SULF1: variants seen among roughly 807,000 people sequenced by gnomAD.
The protein encoded by SULF1 is extracellular sulfatase Sulf-1.
SULF1 carries 46 observed loss-of-function variants against 110.5 expected under a neutral mutation model. The ratio of observed to expected loss-of-function variants is 0.42; its 90% CI spans 0.33 to 0.53. SULF1 has a LOEUF of 0.53. Among genes scored for constraint, SULF1 ranks in the 20% least tolerant of loss-of-function variants. The probability of loss-of-function intolerance (pLI) is 0.12; values close to 1 mark genes in which losing one functional copy is unlikely to be tolerated. For synonymous variants in SULF1, 371 were observed against 387.1 expected (o/e 0.96, Z 0.49); for missense variants, 941 against 1,094.2 (o/e 0.86, Z 1.98).
chr8:69,494,269 A>G (rs927646358), intron 1 of SULF1, among the ~76,000 whole-genome samples: 2 of 152,314 alleles, frequency 1.3e-5, no homozygotes, highest in Admixed American at 6.5e-5. Context: ...GTTAGTGTGT[A>G]TATGTGTCTT....
At chr8:69,480,099 G>T (rs1202975128) in intron 1 of SULF1, among the ~76,000 whole-genome samples, 2 of 152,022 alleles carry the variant, frequency 1.3e-5, no homozygotes, top group Admixed American at 1.3e-4. Context: ...GTGCAAACAT[G>T]CAGCTTTATC....
At chr8:69,543,040 A>T (rs956769390) in intron 3 of SULF1, among the ~76,000 whole-genome samples, 1 of 152,158 alleles carries the variant, frequency 6.6e-6, no homozygotes, top group Non-Finnish European at 1.5e-5. Context: ...ACGCATGACA[A>T]ACTTCTATGA....
chr8:69,656,547 C>T (rs914556104), intron 22 of SULF1, among the ~76,000 whole-genome samples: 2 of 152,162 alleles, frequency 1.3e-5, no homozygotes, highest in African/African-American at 2.4e-5. Flanking sequence ...TGTTCGGCTC[C>T]CACTTGTAAG....
At chr8:69,475,380 T>C (rs569511143) in intron 1 of SULF1, among the ~76,000 whole-genome samples, 1 of 150,904 alleles carries the variant, frequency 6.6e-6, no homozygotes, top group Admixed American at 6.6e-5. Flanking sequence ...GAGAGGGGGA[T>C]AACAAGACAA....
intron 5 of SULF1, among the ~76,000 whole-genome samples, chr8:69,568,481 T>C (rs1239145932): frequency 5.9e-5 from 9 of 152,204 alleles, no homozygotes; most frequent in African/African-American, 1.9e-4. Flanking sequence ...ACTAGAACCT[T>C]GCATATGGAT....
chr8:69,467,341 T>C (rs1808898738), intron 1 of SULF1, among the ~76,000 whole-genome samples: 1 of 152,240 alleles, frequency 6.6e-6, no homozygotes. Flanking sequence ...ATAAAGATTC[T>C]TTGAAGGGTC....
At chr8:69,578,646 T>C (rs1430208575) in intron 6 of SULF1, among the ~76,000 whole-genome samples, 1 of 151,802 alleles carries the variant, frequency 6.6e-6, no homozygotes, top group Non-Finnish European at 1.5e-5. Flanking sequence ...AAGGCTTCCC[T>C]GTTACCTCAA....
intron 1 of SULF1, among the ~76,000 whole-genome samples, chr8:69,475,276 C>A (rs546240911): frequency 6.6e-6 from 1 of 151,768 alleles, no homozygotes; most frequent in East Asian, 1.9e-4. Flanking sequence ...TAAACAGATG[C>A]CTTAGGAAGT....
intron 22 of SULF1, among the ~76,000 whole-genome samples, chr8:69,643,902 T>C (rs982241354): frequency 1.1e-4 from 16 of 152,216 alleles, no homozygotes; most frequent in African/African-American, 3.9e-4. Flanking sequence ...AACAGGTTGT[T>C]GGGGTGTTTA....
chr8:69,629,196 G>A (rs1191729899), intron 18 of SULF1, among the ~76,000 whole-genome samples: 1 of 152,034 alleles, frequency 6.6e-6, no homozygotes, highest in African/African-American at 2.4e-5. Context: ...ACCACATCCA[G>A]CTAATTTTTA....
intron 3 of SULF1, among the ~76,000 whole-genome samples, chr8:69,555,265 A>G (rs1815035352): frequency 6.6e-6 from 1 of 152,132 alleles, no homozygotes; most frequent in Non-Finnish European, 1.5e-5. Context: ...GCGGGAGGCC[A>G]AGGGAAGGAG....
intron 19 of SULF1, among the ~76,000 whole-genome samples, chr8:69,632,918 C>T (rs1236855080): frequency 6.6e-6 from 1 of 150,774 alleles, no homozygotes; most frequent in Non-Finnish European, 1.5e-5. Flanking sequence ...CCCAGCTACT[C>T]GGGAGGCTGA....
At chr8:69,500,954 G>A (rs1280902925) in intron 2 of SULF1, among the ~76,000 whole-genome samples, 1 of 152,098 alleles carries the variant, frequency 6.6e-6, no homozygotes, top group Non-Finnish European at 1.5e-5. Flanking sequence ...CAAAGGACCT[G>A]GGGCTTAACC....
chr8:69,580,089 G>A (rs1160042035), intron 6 of SULF1, among the ~76,000 whole-genome samples: 1 of 152,148 alleles, frequency 6.6e-6, no homozygotes, highest in Non-Finnish European at 1.5e-5. Context: ...ACCATTGTAT[G>A]ACATGAGTTT....
At chr8:69,566,218 G>A (rs1371354519) in intron 5 of SULF1, among the ~76,000 whole-genome samples, 1 of 152,044 alleles carries the variant, frequency 6.6e-6, no homozygotes, top group African/African-American at 2.4e-5. Flanking sequence ...AAACTAACTT[G>A]AAATGGACCC....
chr8:69,563,880 T>C, intron 4 of SULF1, 36 bp from the exon 5 acceptor site: 4 of 1,278,602 alleles, frequency 3.1e-6, no homozygotes, highest in Non-Finnish European at 3.3e-6. Context: ...GATTTCATTT[T>C]AGTCTCACCG....
intron 3 of SULF1, among the ~76,000 whole-genome samples, chr8:69,531,807 A>G (rs750002074): frequency 2.3e-4 from 35 of 152,254 alleles, no homozygotes; most frequent in Admixed American, 5.2e-4. Flanking sequence ...TTCCAAGACG[A>G]CCTTTTCCTC....
intron 5 of SULF1, among the ~76,000 whole-genome samples, chr8:69,569,556 T>C (rs1013728009): frequency 3.3e-5 from 5 of 152,200 alleles, no homozygotes; most frequent in African/African-American, 1.2e-4. Flanking sequence ...TCATTGACCA[T>C]ACTGCTGTTT....
chr8:69,542,045 A>ATT lies in SULF1; in HGVS notation c.-133-21491_-133-21490dup, dbSNP rs1282365061. Among the ~76,000 whole-genome samples, 15 of 152,192 alleles carry ATT rather than the reference A, an allele frequency of 9.9e-5. No individual in the cohort carries two copies. In the East Asian group the frequency reaches 2.9e-3, roughly 29 times the overall value. Reference sequence around the variant, plus strand: ...GAGGCTTACTGACCTGGAATTATACATTTTCTTTACAGCGCTGTCATTCAT... The same window carrying ATT: ...GAGGCTTACTGACCTGGAATTATACATTTTTTCTTTACAGCGCTGTCATTCAT... On this transcript the variant is annotated intron_variant, in intron 3 of 22. Transcript: ENST00000402687.
Sources: allele counts gnomAD v4.1 joint callset (sites outside exome capture counted in the v4.1 genomes callset), GRCh38; gene constraint gnomAD v4.1.1; transcripts MANE v1.5; gene names NCBI Gene and HGNC (gene_info 2026-07-23, HGNC 2026-07-21).